Variants in BBS9 observed in about 807,000 individuals in gnomAD.
BBS9 encodes protein PTHB1.
In BBS9, 89 loss-of-function variants were observed where a neutral mutation model predicts 117.7. The observed-to-expected ratio is 0.76, with a 90% CI of 0.64 to 0.90. BBS9 has a LOEUF of 0.90. BBS9 is among the 40% of genes least tolerant of loss of function. The probability of loss-of-function intolerance (pLI) is 0.00; values close to 1 mark genes in which losing one functional copy is unlikely to be tolerated. For missense variants in BBS9, 982 were observed against 1,042.2 expected, an observed-to-expected ratio of 0.94 and a Z score of 0.80; for synonymous variants, 379 against 370.9, an observed-to-expected ratio of 1.02 and a Z score of -0.25.
chr7:33,611,623 TTTA>T (rs1864870946), intron 21 of BBS9, among the ~76,000 whole-genome samples: 1 of 132,786 alleles, frequency 7.5e-6, no homozygotes, highest in Non-Finnish European at 1.5e-5. Flanking sequence ...ATATTAATTA[TTTA>T]ATAATATTAT....
At chr7:33,513,221 T>C (rs1253066334) in intron 20 of BBS9, among the ~76,000 whole-genome samples, 1 of 152,190 alleles carries the variant, frequency 6.6e-6, no homozygotes, top group African/African-American at 2.4e-5. Context: ...TCACTTAAAA[T>C]TGTGTCTCCT....
At chr7:33,564,255 A>C (rs1856533219) in intron 21 of BBS9, among the ~76,000 whole-genome samples, 1 of 152,186 alleles carries the variant, frequency 6.6e-6, no homozygotes, top group South Asian at 2.1e-4. Flanking sequence ...CCATAGTTGT[A>C]ACTCACCTGT....
chr7:33,294,298 TATCTATC>T (rs1804732681), intron 9 of BBS9, among the ~76,000 whole-genome samples: 3 of 24,444 alleles, frequency 1.2e-4, no homozygotes, highest in South Asian at 2.4e-3. Flanking sequence ...ATCATCTATC[TATCTATC>T]TATCTATCTA....
chr7:33,431,542 C>T (rs1277761317), intron 19 of BBS9, among the ~76,000 whole-genome samples: 1 of 152,126 alleles, frequency 6.6e-6, no homozygotes, highest in Non-Finnish European at 1.5e-5. Context: ...ATCAGTGCCT[C>T]CATAAGGAGG....
rs543222894 is a variant in BBS9 at position 33,418,992 on chromosome 7, A to C, written c.2115+30848A>C. 5.9e-5 allele frequency among the ~76,000 whole-genome samples: 9 copies of C among 152,302 alleles called. No individual in the cohort carries two copies. The South Asian group carries it at 1.9e-3, about 32-fold the overall frequency. ...GTTACTTTTATTTTCTGCTCCCTGT[A>C]GCACTTAGCAAAATCCCATTATGCA... is the stretch of plus-strand genomic sequence containing the variant. On this transcript the variant is annotated intron_variant, in intron 19 of 22. Transcript: ENST00000242067.
At chr7:33,437,606 C>A (rs1563176157) in intron 19 of BBS9, among the ~76,000 whole-genome samples, 4 of 152,072 alleles carry the variant, frequency 2.6e-5, no homozygotes, top group Admixed American at 2.0e-4. Context: ...TTGGGCAGTG[C>A]CTCATGCCTG....
chr7:33,398,959 T>G (rs1164609661), intron 19 of BBS9, among the ~76,000 whole-genome samples: 3 of 152,220 alleles, frequency 2.0e-5, no homozygotes, highest in African/African-American at 4.8e-5. Context: ...ATTACAGGCG[T>G]GAGCCACTGT....
intron 19 of BBS9, among the ~76,000 whole-genome samples, chr7:33,460,967 T>A (rs1177940153): frequency 6.6e-6 from 1 of 152,092 alleles, no homozygotes; most frequent in Admixed American, 6.6e-5. Context: ...GGATATTTCA[T>A]ATAATTGGAA....
rs112875048 is a variant in BBS9, at chr7:33,414,023, T to TCAAAA, written c.2115+25900_2115+25904dup. 4.7e-3 allele frequency among the ~76,000 whole-genome samples: 706 copies of TCAAAA among 151,652 alleles called. 10 individuals are homozygous for TCAAAA. The highest frequency in any genetic ancestry group is 0.039 in the East Asian group (197 of 5,114). On this transcript the variant is annotated intron_variant, in intron 19 of 22. Coordinates refer to ENST00000242067, the MANE Select transcript of BBS9 (RefSeq NM_198428.3). ...TGGACAATAAAAGCAAAACTCCCTC[T>TCAAAA]CAAAACAAAACAAAACAAAACAAAA...
intron 4 of BBS9, among the ~76,000 whole-genome samples, chr7:33,173,262 T>C (rs1796867950): frequency 6.6e-6 from 1 of 152,126 alleles, no homozygotes; most frequent in African/African-American, 2.4e-5. Context: ...TATTTGCCTT[T>C]TATAAAGAGT....
At chr7:33,206,472 G>A (rs1238658713) in intron 5 of BBS9, among the ~76,000 whole-genome samples, 4 of 151,978 alleles carry the variant, frequency 2.6e-5, no homozygotes, top group Non-Finnish European at 4.4e-5. Flanking sequence ...AAAATAAGAC[G>A]TAACTTTATC....
At chr7:33,560,724 C>T in intron 21 of BBS9, among the ~76,000 whole-genome samples, 1 of 152,230 alleles carries the variant, frequency 6.6e-6, no homozygotes, top group Non-Finnish European at 1.5e-5. Context: ...GTAAAACCAC[C>T]CCAGAAAGAT....
intron 5 of BBS9, among the ~76,000 whole-genome samples, chr7:33,211,298 T>G (rs943009793): frequency 1.3e-5 from 2 of 152,186 alleles, no homozygotes; most frequent in Non-Finnish European, 2.9e-5. Context: ...ATGTTTTAAT[T>G]TCTTGCTTTT....
At chr7:33,523,129 C>T (rs1848906552) in intron 20 of BBS9, among the ~76,000 whole-genome samples, 1 of 147,186 alleles carries the variant, frequency 6.8e-6, no homozygotes, top group African/African-American at 2.5e-5. Context: ...GTACCAGTAC[C>T]ATGCTGTTTT....
intron 5 of BBS9, among the ~76,000 whole-genome samples, chr7:33,229,116 T>G (rs1456527412): frequency 6.6e-6 from 1 of 152,170 alleles, no homozygotes; most frequent in Non-Finnish European, 1.5e-5. Context: ...CATATAGGTA[T>G]TAAAAAGATT....
chr7:33,175,313 TAAAA>T (rs201502628), intron 4 of BBS9, among the ~76,000 whole-genome samples: 8 of 140,986 alleles, frequency 5.7e-5, no homozygotes, highest in Non-Finnish European at 9.4e-5. Context: ...AAAATAAAAA[TAAAA>T]AAAAAAACAA....
chr7:33,325,586 C>A (rs1218263469), intron 9 of BBS9, among the ~76,000 whole-genome samples: 2 of 152,212 alleles, frequency 1.3e-5, no homozygotes, highest in East Asian at 3.9e-4. Context: ...TTTATTGTAG[C>A]CTTTGCAATC....
intron 20 of BBS9, among the ~76,000 whole-genome samples, chr7:33,527,061 G>T (rs1198803596): frequency 6.6e-6 from 1 of 151,642 alleles, no homozygotes; most frequent in Non-Finnish European, 1.5e-5. Flanking sequence ...AGGCTGCTCG[G>T]GGGTCAGGGG....
At chr7:33,220,653 G>A (rs752413803) in intron 5 of BBS9, among the ~76,000 whole-genome samples, 3 of 152,188 alleles carry the variant, frequency 2.0e-5, no homozygotes, top group Non-Finnish European at 4.4e-5. Context: ...AAAGAAATGA[G>A]TTCTATGTGA....
Sources: allele counts gnomAD v4.1 joint callset (sites outside exome capture counted in the v4.1 genomes callset), GRCh38; gene constraint gnomAD v4.1.1; transcripts MANE v1.5; gene names NCBI Gene and HGNC (gene_info 2026-07-23, HGNC 2026-07-21).